The following SENP7 variants were observed in gnomAD, a reference collection of about 807,000 sequenced individuals.
SENP7 encodes SUMO specific peptidase 7.
SENP7 carries 64 observed loss-of-function variants against 141.2 expected under a neutral mutation model. The observed-to-expected ratio is 0.45, with a 90% CI of 0.37 to 0.56. The LOEUF (loss-of-function observed/expected upper bound fraction) is 0.56, where lower values mean the gene tolerates loss of function less well. SENP7 is among the 20% of genes least tolerant of loss of function. The pLI is 0.00. For synonymous variants in SENP7, 382 were observed against 426.4 expected (o/e 0.90, Z 1.28); for missense variants, 1,025 against 1,212.2 (o/e 0.85, Z 2.29).
At chr3:101,341,327 TA>T (rs2059320021) in intron 15 of SENP7, among the ~76,000 whole-genome samples, 1 of 152,214 alleles carries the variant, frequency 6.6e-6, no homozygotes, top group Admixed American at 6.5e-5. Context: ...TTCCCTATCA[TA>T]TGTTCAGATA....
chr3:101,443,464 TAG>T (rs2062760849), intron 4 of SENP7, among the ~76,000 whole-genome samples: 1 of 56,284 alleles, frequency 1.8e-5, no homozygotes, highest in African/African-American at 5.1e-5. Context: ...AACTTTAAAG[TAG>T]TTTTTTCCAA....
At chr3:101,430,631 A>G (rs2062130469) in intron 4 of SENP7, among the ~76,000 whole-genome samples, 1 of 152,170 alleles carries the variant, frequency 6.6e-6, no homozygotes, top group African/African-American at 2.4e-5. Context: ...ATCTTTTCAA[A>G]AAAACCAGCT....
At chr3:101,510,530 G>A (rs147547005) in intron 1 of SENP7, among the ~76,000 whole-genome samples, 43 of 152,054 alleles carry the variant, frequency 2.8e-4, no homozygotes, top group Admixed American at 2.8e-3. Context: ...AAACTCTTCT[G>A]CATACTTAGG....
intron 7 of SENP7, 128 bp downstream of exon 7, chr3:101,371,880 C>A: frequency 2.7e-6 from 1 of 364,404 alleles, no homozygotes; most frequent in East Asian, 4.5e-5. Context: ...ATTTGTGTTG[C>A]CAAATAATCT....
At chr3:101,513,033 C>G in intron 1 of SENP7, 58 bp downstream of exon 1, 6 of 1,587,076 alleles carry the variant, frequency 3.8e-6, no homozygotes, top group Non-Finnish European at 5.2e-6. Context: ...CCGCCTGCGC[C>G]TCCCGTTTCC....
chr3:101,472,723 A>T (rs539390276), intron 3 of SENP7, among the ~76,000 whole-genome samples: 7 of 152,296 alleles, frequency 4.6e-5, no homozygotes, highest in Non-Finnish European at 8.8e-5. Context: ...GAGATATAAA[A>T]GCAGTCAGAA....
chr3:101,433,915 C>G (rs1362396429), intron 4 of SENP7, among the ~76,000 whole-genome samples: 1 of 152,076 alleles, frequency 6.6e-6, no homozygotes, highest in Non-Finnish European at 1.5e-5. Flanking sequence ...CAGACTTAAT[C>G]CACACTATAG....
At chr3:101,417,457 A>G (rs1291692685) in intron 5 of SENP7, 136 bp downstream of exon 5, 2 of 660,752 alleles carry the variant, frequency 3.0e-6, no homozygotes, top group Non-Finnish European at 5.3e-6. Flanking sequence ...CAGCTTTAAG[A>G]TTTGCTTTAG....
intron 20 of SENP7, 113 bp downstream of exon 20, chr3:101,330,221 A>G: frequency 1.5e-6 from 1 of 649,666 alleles, no homozygotes; most frequent in Non-Finnish European, 2.6e-6. Flanking sequence ...ATCACAAAGC[A>G]GCACAATCTA....
At chr3:101,489,512 T>C (rs1194443540) in intron 3 of SENP7, among the ~76,000 whole-genome samples, 1 of 116,286 alleles carries the variant, frequency 8.6e-6, no homozygotes, top group Non-Finnish European at 1.9e-5. Context: ...GCCACTATTC[T>C]TATATCAGAT....
intron 4 of SENP7, among the ~76,000 whole-genome samples, chr3:101,449,918 A>C (rs2063056821): frequency 6.6e-6 from 1 of 152,160 alleles, no homozygotes; most frequent in Non-Finnish European, 1.5e-5. Flanking sequence ...ATACACTGGC[A>C]AATTGGATAA....
intron 6 of SENP7, among the ~76,000 whole-genome samples, chr3:101,378,258 A>T (rs550981335): frequency 2.0e-5 from 3 of 152,270 alleles, no homozygotes; most frequent in Non-Finnish European, 2.9e-5. Flanking sequence ...CATGTCAGAG[A>T]TGTTGAATTA....
intron 3 of SENP7, among the ~76,000 whole-genome samples, chr3:101,464,529 G>T (rs1006500643): frequency 3.3e-5 from 5 of 151,880 alleles, no homozygotes; most frequent in South Asian, 2.1e-4. Context: ...AGTGATACTG[G>T]TTGCATGCTC....
chr3:101,377,090 G>T (rs1237129774), intron 6 of SENP7, among the ~76,000 whole-genome samples: 1 of 151,770 alleles, frequency 6.6e-6, no homozygotes, highest in Non-Finnish European at 1.5e-5. Context: ...CCACATACAT[G>T]GTAAACTTTT....
intron 4 of SENP7, among the ~76,000 whole-genome samples, chr3:101,456,568 T>C (rs1311796100): frequency 6.6e-6 from 1 of 152,142 alleles, no homozygotes; most frequent in African/African-American, 2.4e-5. Context: ...GTAAATTCTA[T>C]AAGGAAGGCC....
chr3:101,340,949 A>G (rs1445030084), intron 15 of SENP7, among the ~76,000 whole-genome samples: 1 of 152,210 alleles, frequency 6.6e-6, no homozygotes, highest in East Asian at 1.9e-4. Context: ...GTCAGTAATG[A>G]AGGTATAATA....
At chr3:101,467,379 T>C (rs1057326283) in intron 3 of SENP7, among the ~76,000 whole-genome samples, 7 of 152,216 alleles carry the variant, frequency 4.6e-5, no homozygotes, top group Non-Finnish European at 1.0e-4. Flanking sequence ...GACTGCCTCC[T>C]CAAGTGGGTC....
In SENP7 at chr3:101,341,777, G is replaced by A. The variant is rs1353330281; in HGVS notation, c.2109C>T (p.Pro703=). ...EEMKLKSVSQ[P]SNTDAAKPTY... ...TAGGCTTGGCCGCATCTGTGTTTGAGGGCTGACAGAAAGTGGCAAGAAAAA... is the reference window on the plus strand; with the variant it reads ...TAGGCTTGGCCGCATCTGTGTTTGAAGGCTGACAGAAAGTGGCAAGAAAAA... The change falls in exon 15 of 24, where the codon CCC becomes CCT. Residue 703 remains proline (P), a splice_region_variant and synonymous_variant. Coordinates refer to ENST00000394095, the MANE Select transcript of SENP7 (RefSeq NM_020654.5). The A allele has an allele frequency of 1.9e-6, 3 of 1,591,672 alleles. No individual in the cohort carries two copies. Among genetic ancestry groups the A allele is most frequent in the African/African-American group, 2.7e-5 (2 of 74,660 alleles).
chr3:101,457,779 G>C (rs1052361662), intron 4 of SENP7: 2 of 659,682 alleles, frequency 3.0e-6, no homozygotes, highest in South Asian at 1.8e-5. Context: ...TTGGTGCTAA[G>C]AGGGTCCTGG....
Sources: allele counts gnomAD v4.1 joint callset (sites outside exome capture counted in the v4.1 genomes callset), GRCh38; gene constraint gnomAD v4.1.1; transcripts MANE v1.5; gene names NCBI Gene and HGNC (gene_info 2026-07-23, HGNC 2026-07-21).